PPP1R9A: variants seen among roughly 807,000 people sequenced by gnomAD.
The protein encoded by PPP1R9A is protein phosphatase 1 regulatory subunit 9A.
A neutral mutation model predicts 141.9 loss-of-function variants in PPP1R9A; 59 were observed. That is an observed-to-expected ratio of 0.42 (90% CI 0.34 to 0.52). The LOEUF is 0.52. Ranked by LOEUF, PPP1R9A falls within the 20% of genes least tolerant of loss-of-function variation. The probability of loss-of-function intolerance (pLI) is 0.10; values close to 1 mark genes in which losing one functional copy is unlikely to be tolerated. For synonymous variants in PPP1R9A, 500 were observed against 569.7 expected (o/e 0.88, Z 1.74); for missense variants, 1,444 against 1,611.9 (o/e 0.90, Z 1.78).
At chr7:94,997,683 G>A (rs1402977244) in intron 2 of PPP1R9A, among the ~76,000 whole-genome samples, 1 of 152,162 alleles carries the variant, frequency 6.6e-6, no homozygotes, top group Non-Finnish European at 1.5e-5. Flanking sequence ...TCTCCTCTGT[G>A]TATATGTGTA....
chr7:95,062,589 T>C (rs1405019164), intron 2 of PPP1R9A, among the ~76,000 whole-genome samples: 1 of 151,986 alleles, frequency 6.6e-6, no homozygotes, highest in Non-Finnish European at 1.5e-5. Flanking sequence ...GGTTTTGCCA[T>C]GTTGGCCAGG....
chr7:94,972,996 A>G (rs1437312027), intron 2 of PPP1R9A, among the ~76,000 whole-genome samples: 1 of 152,210 alleles, frequency 6.6e-6, no homozygotes, highest in African/African-American at 2.4e-5. Flanking sequence ...ATGGTAAGGA[A>G]ATAATGACTT....
chr7:95,200,097 A>G (rs144871547), intron 6 of PPP1R9A, among the ~76,000 whole-genome samples: 2 of 151,942 alleles, frequency 1.3e-5, no homozygotes, highest in East Asian at 2.0e-4. Context: ...CTAATGTTCC[A>G]TGAATATGAA....
chr7:95,220,745 G>A (rs1233244818), intron 7 of PPP1R9A, among the ~76,000 whole-genome samples: 2 of 152,094 alleles, frequency 1.3e-5, no homozygotes, highest in Non-Finnish European at 2.9e-5. Flanking sequence ...GGCAGATATA[G>A]AAACATCAAA....
intron 2 of PPP1R9A, among the ~76,000 whole-genome samples, chr7:95,010,268 G>A (rs1024644425): frequency 3.9e-5 from 6 of 152,168 alleles, no homozygotes; most frequent in African/African-American, 1.4e-4. Flanking sequence ...GCTGGGCATG[G>A]TGGCACACAC....
intron 6 of PPP1R9A, among the ~76,000 whole-genome samples, chr7:95,200,687 A>AT (rs969559964): frequency 4.6e-5 from 7 of 151,970 alleles, no homozygotes; most frequent in Admixed American, 2.6e-4. Context: ...TTGTTTATAG[A>AT]TTTTTTTTGT....
intron 8 of PPP1R9A, among the ~76,000 whole-genome samples, chr7:95,226,472 T>C (rs902022581): frequency 1.3e-5 from 2 of 152,214 alleles, no homozygotes; most frequent in Non-Finnish European, 2.9e-5. Context: ...TCTTTTTGTC[T>C]TTCTGTTCAT....
At chr7:94,948,061 C>T (rs1385052872) in intron 2 of PPP1R9A, among the ~76,000 whole-genome samples, 1 of 152,068 alleles carries the variant, frequency 6.6e-6, no homozygotes, top group African/African-American at 2.4e-5. Context: ...CTCCTGATGT[C>T]GTGTTCTCCT....
intron 7 of PPP1R9A, among the ~76,000 whole-genome samples, chr7:95,215,368 T>C (rs1324066873): frequency 6.6e-6 from 1 of 152,122 alleles, no homozygotes; most frequent in Non-Finnish European, 1.5e-5. Flanking sequence ...ATCCACTCTA[T>C]CATTGTTGGA....
intron 8 of PPP1R9A, among the ~76,000 whole-genome samples, chr7:95,228,496 TA>T (rs1444073777): frequency 6.6e-6 from 1 of 152,176 alleles, no homozygotes; most frequent in East Asian, 1.9e-4. Context: ...CATTATTATC[TA>T]AAGAATTTGT....
At chr7:95,204,736 CCCACACACACCCA>C (rs1235521563) in intron 7 of PPP1R9A, among the ~76,000 whole-genome samples, 4 of 142,678 alleles carry the variant, frequency 2.8e-5, no homozygotes, top group Non-Finnish European at 6.2e-5. Flanking sequence ...ACCACACATA[CCCACACACACCCA>C]CCACACATAC....
intron 2 of PPP1R9A, among the ~76,000 whole-genome samples, chr7:95,069,958 A>G (rs1424187806): frequency 6.6e-6 from 1 of 152,160 alleles, no homozygotes; most frequent in Admixed American, 6.6e-5. Context: ...CAGTAAACTG[A>G]TCTCTTCTTA....
At position 95,230,962 on chromosome 7, in the gene PPP1R9A, G is replaced by A. The variant is rs146939533; in HGVS notation, c.2112+4846G>A. ...ATACTCCACCTAAAAGATACAGAAT[G>A]GCAGAATGGATAAGAATTCACCAAT... On this transcript the variant is annotated intron_variant, in intron 8 of 19. Coordinates refer to ENST00000433360, the MANE Select transcript of PPP1R9A (RefSeq NM_001166160.2). Among the ~76,000 whole-genome samples, 1,496 of 152,136 alleles carry A rather than the reference G, an allele frequency of 9.8e-3. 34 individuals carry two copies. The highest frequency in any genetic ancestry group is 0.033 in the African/African-American group (1,378 of 41,532).
intron 2 of PPP1R9A, among the ~76,000 whole-genome samples, chr7:95,042,107 C>T (rs1369783796): frequency 6.6e-6 from 1 of 152,044 alleles, no homozygotes; most frequent in African/African-American, 2.4e-5. Flanking sequence ...GGCAGGTAGC[C>T]AGGTGTGCTT....
intron 2 of PPP1R9A, among the ~76,000 whole-genome samples, chr7:94,924,181 A>G (rs1793172270): frequency 6.6e-6 from 1 of 152,228 alleles, no homozygotes; most frequent in South Asian, 2.1e-4. Flanking sequence ...GTTCAAGAAA[A>G]AAATAATTTC....
chr7:95,210,932 G>A (rs1171306687), intron 7 of PPP1R9A, among the ~76,000 whole-genome samples: 1 of 152,030 alleles, frequency 6.6e-6, no homozygotes, highest in Non-Finnish European at 1.5e-5. Context: ...TCACTCATAA[G>A]TGTGAGTGGA....
At chr7:95,079,724 C>T (rs141051705) in intron 2 of PPP1R9A, among the ~76,000 whole-genome samples, 2,253 of 152,272 alleles carry the variant, frequency 0.015, 49 homozygotes, top group African/African-American at 0.051. Flanking sequence ...AGCAGCACAT[C>T]AAAAGGCTTA....
intron 2 of PPP1R9A, among the ~76,000 whole-genome samples, chr7:94,914,685 T>C (rs1179261856): frequency 1.3e-5 from 2 of 152,220 alleles, no homozygotes; most frequent in Admixed American, 6.5e-5. Flanking sequence ...AATGAAAGGA[T>C]TGAATTAAAG....
intron 8 of PPP1R9A, among the ~76,000 whole-genome samples, chr7:95,232,138 A>G (rs1196170974): frequency 1.3e-5 from 2 of 152,184 alleles, no homozygotes; most frequent in Non-Finnish European, 2.9e-5. Context: ...TAGAAAATCT[A>G]GAGGAGATGT....
Sources: gnomAD v4.1 joint callset for allele counts (sites outside exome capture counted in the v4.1 genomes callset) on GRCh38, gnomAD v4.1.1 for gene constraint, MANE v1.5 for transcripts, NCBI Gene and HGNC (gene_info 2026-07-23, HGNC 2026-07-21) for gene names.